Variants in SLIT1 observed in about 807,000 individuals in gnomAD.
SLIT1 encodes the protein slit guidance ligand 1.
Under a neutral mutation model 186.1 loss-of-function variants are expected in SLIT1, and 66 were observed. The observed-to-expected ratio is 0.35, with a 90% CI of 0.29 to 0.44. SLIT1 has a LOEUF of 0.44. SLIT1 is among the 20% of genes least tolerant of loss of function. The pLI is 1.00. For synonymous variants in SLIT1, 761 were observed against 833.8 expected (o/e 0.91, Z 1.50); for missense variants, 1,638 against 2,037.4 (o/e 0.80, Z 3.77).
chr10:97,010,993 C>A lies in SLIT1; in HGVS notation c.3341G>T (p.Ser1114Ile). 6.2e-7 allele frequency: 1 copy of A among 1,613,910 alleles called. No homozygotes were observed. Among genetic ancestry groups the A allele is most frequent in the Non-Finnish European group, 8.5e-7 (1 of 1,179,836 alleles). The change falls in exon 31 of 37, where the codon AGT becomes ATT. Residue 1114 changes from serine to isoleucine, a missense_variant and splice_region_variant. Around this residue, in one of 3 missense-constraint regions of SLIT1, gnomAD observed 1,245 missense variants for 1,535.3 expected, o/e 0.81. Transcript: ENST00000266058. The surrounding 1 kb of genome is among the most constrained non-coding windows in gnomAD (Gnocchi z 4.8). The part of the protein sequence containing the change: ...SYSCLCAEGY[S>I]GQLCEIPPHL... ...CCTAGTGTGTCCAGGGGCTGCTCAC[C>A]TGTAGCCCTCAGCACAGAGGCAGGA...
At chr10:97,150,503 G>A (rs1055821364) in intron 4 of SLIT1, among the ~76,000 whole-genome samples, 49 of 152,086 alleles carry the variant, frequency 3.2e-4, no homozygotes, top group African/African-American at 1.1e-3. Context: ...CAACCACCAG[G>A]GCCCTGTTAA....
chr10:97,081,849 C>A (rs962237408), intron 4 of SLIT1, among the ~76,000 whole-genome samples: 2 of 152,174 alleles, frequency 1.3e-5, no homozygotes, highest in African/African-American at 4.8e-5. Context: ...TGAATCCATC[C>A]GGCGGCTCTT....
At chr10:97,111,218 G>T (rs1362004908) in intron 4 of SLIT1, among the ~76,000 whole-genome samples, 3 of 151,658 alleles carry the variant, frequency 2.0e-5, no homozygotes, top group African/African-American at 7.3e-5. Flanking sequence ...AGAAAAGAAA[G>T]AGGGCTGACC....
chr10:97,077,403 A>G (rs990416694), intron 4 of SLIT1, among the ~76,000 whole-genome samples: 2 of 152,182 alleles, frequency 1.3e-5, no homozygotes, highest in East Asian at 1.9e-4. Flanking sequence ...CTTCTCTGCA[A>G]CCCTGACTGC....
chr10:97,100,826 G>A (rs1047421499), intron 4 of SLIT1, among the ~76,000 whole-genome samples: 15 of 152,156 alleles, frequency 9.9e-5, no homozygotes, highest in Admixed American at 1.3e-4. Context: ...CCGCTGCCTC[G>A]GCCTTAGGTG....
At chr10:97,034,603 C>A (rs374575321) in intron 22 of SLIT1, 61 bp from the exon 23 acceptor site, 1 of 1,434,628 alleles carries the variant, frequency 7.0e-7, no homozygotes, top group South Asian at 1.1e-5. Flanking sequence ...CTCACATTCA[C>A]GGGCTTCTTC....
At chr10:97,026,708 G>A (rs1687320042) in intron 25 of SLIT1, among the ~76,000 whole-genome samples, 1 of 152,158 alleles carries the variant, frequency 6.6e-6, no homozygotes, top group Non-Finnish European at 1.5e-5. Flanking sequence ...CTGGGACCTG[G>A]TGCATAGTAG....
At chr10:97,096,141 G>A (rs973210706) in intron 4 of SLIT1, among the ~76,000 whole-genome samples, 4 of 152,172 alleles carry the variant, frequency 2.6e-5, no homozygotes, top group African/African-American at 7.2e-5. Flanking sequence ...TTCAGGCACC[G>A]TTAGAATTTC....
At chr10:97,047,563 G>A in intron 16 of SLIT1, 127 bp downstream of exon 16, 2 of 957,674 alleles carry the variant, frequency 2.1e-6, no homozygotes, top group Non-Finnish European at 3.2e-6. Flanking sequence ...CAGTTGGTAT[G>A]TCCTGAGCCA....
intron 4 of SLIT1, among the ~76,000 whole-genome samples, chr10:97,112,230 G>T (rs151189605): frequency 3.2e-4 from 49 of 152,200 alleles, no homozygotes; most frequent in African/African-American, 9.6e-4. Context: ...TCACTGCCAA[G>T]CTCCACCACT....
At chr10:97,177,382 T>C (rs114824355) in intron 1 of SLIT1, among the ~76,000 whole-genome samples, 3,581 of 152,340 alleles carry the variant, frequency 0.024, 152 homozygotes, top group African/African-American at 0.081. Flanking sequence ...CATCAGAGTC[T>C]GCCACGCCGT....
At chr10:97,104,020 A>G (rs917808326) in intron 4 of SLIT1, among the ~76,000 whole-genome samples, 1 of 152,114 alleles carries the variant, frequency 6.6e-6, no homozygotes. Flanking sequence ...GGGATACAGC[A>G]AGGAACACAG....
chr10:97,059,879 C>T (rs1389905437), intron 10 of SLIT1, among the ~76,000 whole-genome samples: 2 of 152,220 alleles, frequency 1.3e-5, no homozygotes, highest in African/African-American at 4.8e-5. Flanking sequence ...CAGGCTCAGG[C>T]TCAGCACTCC....
chr10:97,002,643 C>T, intron 35 of SLIT1, 61 bp downstream of exon 35: 1 of 1,454,552 alleles, frequency 6.9e-7, no homozygotes, highest in Non-Finnish European at 9.2e-7. Flanking sequence ...TGAGGCAGCC[C>T]TTCCCATGGG....
At chr10:97,002,085 G>A in intron 36 of SLIT1, 73 bp downstream of exon 36, 1 of 1,010,432 alleles carries the variant, frequency 9.9e-7, no homozygotes, top group Non-Finnish European at 1.4e-6. Flanking sequence ...CCGAGACTGG[G>A]AGGAAGAGTC....
rs761168998 is a variant in SLIT1 at position 97,064,785 on chromosome 10, C to A, written c.557+20G>T. The A allele has an allele frequency of 2.4e-5, 38 of 1,592,964 alleles. No individual in the cohort carries two copies. The East Asian group carries it at 8.6e-4, about 36-fold the overall frequency. On this transcript the variant is annotated intron_variant, in intron 6 of 36. Transcript: ENST00000266058. ...GCAGGGCCCTCCACACCCCTCCTTC[C>A]TTTTCCATGCTTTACTTACAGCACC...
intron 1 of SLIT1, among the ~76,000 whole-genome samples, chr10:97,182,913 C>G (rs1270382522): frequency 6.6e-6 from 1 of 151,982 alleles, no homozygotes; most frequent in Non-Finnish European, 1.5e-5. Flanking sequence ...ATTGCTTGAG[C>G]CCAGAAGTTT....
At chr10:97,075,716 C>T (rs1849039386) in intron 4 of SLIT1, among the ~76,000 whole-genome samples, 1 of 152,154 alleles carries the variant, frequency 6.6e-6, no homozygotes, top group African/African-American at 2.4e-5. Flanking sequence ...GCATCGTCAT[C>T]CCCGGGAAGT....
At chr10:97,037,478 G>A (rs1192164741) in intron 22 of SLIT1, among the ~76,000 whole-genome samples, 1 of 152,138 alleles carries the variant, frequency 6.6e-6, no homozygotes, top group East Asian at 1.9e-4. Context: ...AGGAGGAGGA[G>A]GCAGGTCCAA....
Sources: gnomAD v4.1 joint callset for allele counts (sites outside exome capture counted in the v4.1 genomes callset) on GRCh38, gnomAD v4.1.1 for gene constraint, gnomAD v4.1.1 regional missense constraint, Gnocchi (gnomAD v3.1) non-coding constraint, MANE v1.5 for transcripts, NCBI Gene and HGNC (gene_info 2026-07-23, HGNC 2026-07-21) for gene names.